The following PXK variants were observed in gnomAD, a reference collection of about 807,000 sequenced individuals.
The protein encoded by PXK is PX domain-containing protein kinase-like protein.
Under a neutral mutation model 84.7 loss-of-function variants are expected in PXK, and 35 were observed. That is an observed-to-expected ratio of 0.41 (90% confidence interval 0.32 to 0.55). The LOEUF (loss-of-function observed/expected upper bound fraction) is 0.55, where lower values mean the gene tolerates loss of function less well. PXK is among the 20% of genes least tolerant of loss of function. The pLI is 0.21. For missense variants in PXK, 634 were observed against 699.7 expected, an observed-to-expected ratio of 0.91 and a Z score of 1.06; for synonymous variants, 253 against 260.8, an observed-to-expected ratio of 0.97 and a Z score of 0.29.
chr3:58,425,617 T>C lies in PXK; in HGVS notation c.*657T>C, dbSNP rs559045280. 2.0e-5 allele frequency: 3 copies of C among 152,352 alleles called. No homozygotes were observed. Among genetic ancestry groups the C allele is most frequent in the Non-Finnish European group, 4.4e-5 (3 of 68,038 alleles). The allele number at this position is 152,352 out of a possible 1,614,324, so 9.4% of individuals were successfully genotyped here. A position where few individuals can be genotyped will look rare whatever the true frequency, so the allele number is the denominator to read the frequency against. ...ACTACTCTAGACCCATAGTTCTTTTTAGTTAGATGTATTGAAACAGACAAA... is the reference window on the plus strand; with the variant it reads ...ACTACTCTAGACCCATAGTTCTTTTCAGTTAGATGTATTGAAACAGACAAA... On this transcript the variant is annotated 3_prime_UTR_variant, in exon 18 of 18. Transcript: ENST00000356151.
At chr3:58,374,022 C>T (rs1395380295) in intron 3 of PXK, among the ~76,000 whole-genome samples, 2 of 140,674 alleles carry the variant, frequency 1.4e-5, no homozygotes, top group Non-Finnish European at 3.0e-5. Flanking sequence ...CCAGCCATGG[C>T]GACAGAGCGA....
chr3:58,402,271 C>T (rs2058702178), intron 12 of PXK, among the ~76,000 whole-genome samples: 1 of 137,548 alleles, frequency 7.3e-6, no homozygotes, highest in Non-Finnish European at 1.6e-5. Flanking sequence ...CCTCTCTCTC[C>T]CCCCTTCTTC....
At chr3:58,337,620 C>G (rs1201882895) in intron 1 of PXK, among the ~76,000 whole-genome samples, 2 of 152,142 alleles carry the variant, frequency 1.3e-5, no homozygotes, top group Non-Finnish European at 2.9e-5. Flanking sequence ...TAGGCATGCA[C>G]CACCATACCT....
rs1442648386 is a variant in PXK, at chr3:58,425,131, A to T, written c.*171A>T. On this transcript the variant is annotated 3_prime_UTR_variant, in exon 18 of 18. Transcript: ENST00000356151. ...TTTCGAGAGAAATAATTCTTTAAGC[A>T]GAATAAAGTTAGGCTGGCATTGCTC... The T allele has an allele frequency of 9.5e-7, 1 of 1,052,472 alleles. No individual in the cohort carries two copies. Among genetic ancestry groups the T allele is most frequent in the African/African-American group, 1.6e-5 (1 of 62,022 alleles). The allele number at this position is 1,052,472 out of a possible 1,614,324, so 65.2% of individuals were successfully genotyped here.
intron 1 of PXK, among the ~76,000 whole-genome samples, chr3:58,342,138 A>G (rs986199518): frequency 3.9e-5 from 6 of 152,174 alleles, no homozygotes; most frequent in African/African-American, 1.4e-4. Context: ...CCAAGAAACA[A>G]CTAAGTTCTA....
At position 58,333,336 on chromosome 3, in the gene PXK, G is replaced by T. The variant is rs2107551831; in HGVS notation, c.102+246G>T. 3.3e-6 allele frequency: 1 copy of T among 304,928 alleles called. No individual in the cohort carries two copies. The highest frequency in any genetic ancestry group is 2.7e-5 in the South Asian group (1 of 36,758). The allele number at this position is 304,928 out of a possible 1,614,324, so 18.9% of individuals were successfully genotyped here. A position where few individuals can be genotyped will look rare whatever the true frequency, so the allele number is the denominator to read the frequency against. On this transcript the variant is annotated intron_variant, in intron 1 of 17. Coordinates refer to ENST00000356151, the MANE Select transcript of PXK (RefSeq NM_017771.5). This position sits in a 1 kb window ranked among gnomAD's most constrained non-coding sequence, Gnocchi z 5.4. ...AGCTCCCGGCGCCGCGGGGTGGAAG[G>T]AGCTCGGCGGCGACCAGGAAAGCGA...
rs1274628854 is a variant in PXK at position 58,336,057 on chromosome 3, ATATATATATATATATTTTTTTTT to A, written c.102+2969_102+2991del. Among the ~76,000 whole-genome samples the A allele has an allele frequency of 2.7e-3, 148 of 54,696 alleles. 1 individual carries two copies. Among genetic ancestry groups the A allele is most frequent in the African/African-American group, 0.016 (139 of 8,618 alleles). The allele number at this position is 54,696 out of a possible 152,430, so 35.9% of individuals were successfully genotyped here. On this transcript the variant is annotated intron_variant, in intron 1 of 17. Transcript: ENST00000356151. The stretch of plus-strand genomic sequence containing the variant: ...GGGAAACATATATATATATATATAT[ATATATATATATATATTTTTTTTT>A]TTTTTTTTTAATACCAATGGGGTTC...
intron 7 of PXK, among the ~76,000 whole-genome samples, chr3:58,392,749 C>T (rs2098643811): frequency 6.6e-6 from 1 of 151,740 alleles, no homozygotes; most frequent in Admixed American, 6.6e-5. Flanking sequence ...GCAACCTCCA[C>T]CTCCTGGGTT....
chr3:58,420,816 A>T (rs2061712515), intron 17 of PXK: 2 of 1,347,370 alleles, frequency 1.5e-6, no homozygotes, highest in South Asian at 3.4e-5. Context: ...TCAGTTTTAA[A>T]ATACAGCTCT....
intron 1 of PXK, among the ~76,000 whole-genome samples, chr3:58,353,957 T>G (rs1575857206): frequency 6.6e-6 from 1 of 152,098 alleles, no homozygotes; most frequent in Non-Finnish European, 1.5e-5. Flanking sequence ...AGTAGCGTGG[T>G]GGTAGATTCC....
In PXK at chr3:58,401,787, C is replaced by T. The variant is rs1196719450; in HGVS notation, c.1182-2075C>T. Among the ~76,000 whole-genome samples, 3 of 151,840 alleles carry T rather than the reference C, an allele frequency of 2.0e-5. No homozygotes were observed. Among genetic ancestry groups the T allele is most frequent in the Non-Finnish European group, 4.4e-5 (3 of 67,978 alleles). ...TAAAAATGCAAAAAAATTAGCCGAGCGTGGTGGCGGGCGTCTGTAGTCCCA... is the reference window on the plus strand; with the variant it reads ...TAAAAATGCAAAAAAATTAGCCGAGTGTGGTGGCGGGCGTCTGTAGTCCCA... On this transcript the variant is annotated intron_variant, in intron 12 of 17. Coordinates refer to ENST00000356151, the MANE Select transcript of PXK (RefSeq NM_017771.5). This position sits in a 1 kb window ranked among gnomAD's most constrained non-coding sequence, Gnocchi z 4.4.
chr3:58,421,709 A>G lies in PXK; in HGVS notation c.1529-3043A>G. The G allele has an allele frequency of 1.0e-6, 1 of 985,438 alleles. No homozygotes were observed. 61.0% of individuals were successfully genotyped at this position (985,438 alleles called of 1,614,324 possible). Reference sequence around the variant, plus strand: ...CCTGCAGCATTCTCTGCCCTCTGACAGGGCCTCTGCTGGACTGCCAGGTTC... The same window carrying G: ...CCTGCAGCATTCTCTGCCCTCTGACGGGGCCTCTGCTGGACTGCCAGGTTC... On this transcript the variant is annotated intron_variant, in intron 17 of 17. Coordinates refer to ENST00000356151, the MANE Select transcript of PXK (RefSeq NM_017771.5). The surrounding 1 kb of genome is among the most constrained non-coding windows in gnomAD (Gnocchi z 5.5).
intron 1 of PXK, among the ~76,000 whole-genome samples, chr3:58,361,025 G>A (rs2098175040): frequency 6.6e-6 from 1 of 151,692 alleles, no homozygotes; most frequent in Non-Finnish European, 1.5e-5. Flanking sequence ...GGCCGGGCGC[G>A]GTGGTTCACG....
chr3:58,377,856 G>A (rs990814559), intron 3 of PXK, among the ~76,000 whole-genome samples: 2 of 152,208 alleles, frequency 1.3e-5, no homozygotes, highest in Admixed American at 6.5e-5. Flanking sequence ...TAGGAAGGCA[G>A]AATTCTGAGA....
At position 58,421,474 on chromosome 3, in the gene PXK, G is replaced by T. The variant is rs544240299; in HGVS notation, c.1529-3278G>T. 1.3e-6 allele frequency: 1 copy of T among 799,716 alleles called. No individual in the cohort carries two copies. The highest frequency in any genetic ancestry group is 3.6e-4 in the Middle Eastern group (1 of 2,766). 49.5% of individuals were successfully genotyped at this position (799,716 alleles called of 1,614,324 possible). On this transcript the variant is annotated intron_variant, in intron 17 of 17. Coordinates refer to ENST00000356151, the MANE Select transcript of PXK (RefSeq NM_017771.5). The surrounding 1 kb of genome is among the most constrained non-coding windows in gnomAD (Gnocchi z 5.5). ...CACGCGCCTGTAATCCCAGCTACTCGGGAGGCTGAGGCAGAGAATCACTTG... is the reference window on the plus strand; with the variant it reads ...CACGCGCCTGTAATCCCAGCTACTCTGGAGGCTGAGGCAGAGAATCACTTG...
intron 3 of PXK, among the ~76,000 whole-genome samples, chr3:58,381,445 A>G (rs2098501601): frequency 6.7e-6 from 1 of 149,544 alleles, no homozygotes; most frequent in African/African-American, 2.5e-5. Flanking sequence ...TGCTTGGAGT[A>G]GGTTGTTGGA....
intron 3 of PXK, among the ~76,000 whole-genome samples, chr3:58,373,195 A>G (rs1165040127): frequency 6.6e-6 from 1 of 150,712 alleles, no homozygotes; most frequent in East Asian, 2.0e-4. Flanking sequence ...CTCCTGCCTC[A>G]GCCTCCTGAG....
chr3:58,380,092 G>A (rs1391582622), intron 3 of PXK, among the ~76,000 whole-genome samples: 1 of 152,046 alleles, frequency 6.6e-6, no homozygotes, highest in Non-Finnish European at 1.5e-5. Context: ...GCATGGAGGG[G>A]AAGAAATAAT....
rs2098520770 is a variant in PXK, at chr3:58,383,198, A to G, written c.388+498A>G. On this transcript the variant is annotated intron_variant, in intron 4 of 17. Transcript: ENST00000356151. This position sits in a 1 kb window ranked among gnomAD's most constrained non-coding sequence, Gnocchi z 4.0. ...TCCTAGCTACTCGGGAGGCTGAGGC[A>G]GGAGAATCGCTTGAACCCGGGAGGT... 6.6e-6 allele frequency among the ~76,000 whole-genome samples: 1 copy of G among 152,208 alleles called. No individual in the cohort carries two copies. The highest frequency in any genetic ancestry group is 2.4e-5 in the African/African-American group (1 of 41,442).
Sources: gnomAD v4.1 joint callset for allele counts (sites outside exome capture counted in the v4.1 genomes callset) on GRCh38, gnomAD v4.1.1 for gene constraint, Gnocchi (gnomAD v3.1) non-coding constraint, MANE v1.5 for transcripts, NCBI Gene and HGNC (gene_info 2026-07-23, HGNC 2026-07-21) for gene names.